The following GNG7 variants were observed in gnomAD, a reference collection of about 807,000 sequenced individuals.
GNG7 encodes the protein guanine nucleotide-binding protein G(I)/G(S)/G(O) subunit gamma-7.
Under a neutral mutation model 4.0 loss-of-function variants are expected in GNG7, and 1 was observed. The observed-to-expected ratio is 0.25, with a 90% CI of 0.09 to 1.18. The LOEUF (loss-of-function observed/expected upper bound fraction) is 1.18. Among genes scored for constraint, GNG7 ranks in the 50% most tolerant of loss-of-function variants. The pLI is 0.50. For synonymous variants in GNG7, 34 were observed against 36.9 expected (o/e 0.92, Z 0.29); for missense variants, 86 against 91.9 (o/e 0.94, Z 0.26).
chr19:2,702,029 C>T (rs1014442273), intron 1 of GNG7, among the ~76,000 whole-genome samples: 4 of 150,022 alleles, frequency 2.7e-5, no homozygotes, highest in African/African-American at 7.4e-5. Flanking sequence ...CCACCAGCCC[C>T]TTCCTAGCTA....
At chr19:2,643,965 CATAA>C (rs1982589608) in intron 2 of GNG7, 4 of 223,506 alleles carry the variant, frequency 1.8e-5, no homozygotes, top group South Asian at 6.1e-5. Context: ...TGTTTGGCTT[CATAA>C]ATAAATATTA....
Position 2,514,978 on chromosome 19 carries a change from G to T in GNG7, c.*44C>A. On this transcript the variant is annotated 3_prime_UTR_variant, in exon 5 of 5. Transcript: ENST00000382159. ...AGACAGAGACAGAGACAGAGAGAGA[G>T]AGAGAGAAAGAGAGAGAGAGAGAGA... 6.7e-7 allele frequency: 1 copy of T among 1,487,254 alleles called. No individual in the cohort carries two copies. Among genetic ancestry groups the T allele is most frequent in the Non-Finnish European group, 9.4e-7 (1 of 1,066,284 alleles). 92.1% of individuals were successfully genotyped at this position (1,487,254 alleles called of 1,614,324 possible).
intron 3 of GNG7, among the ~76,000 whole-genome samples, chr19:2,521,678 A>C (rs1978309811): frequency 8.2e-6 from 1 of 121,778 alleles, no homozygotes; most frequent in Non-Finnish European, 1.6e-5. Context: ...CAGTGGTGTG[A>C]TCTCGGCTCA....
In GNG7 at chr19:2,512,019, G is replaced by A. The variant is rs751663758; in HGVS notation, c.*3003C>T. 1.5e-4 allele frequency: 143 copies of A among 985,754 alleles called. No individual in the cohort carries two copies. The highest frequency in any genetic ancestry group is 5.2e-4 in the Middle Eastern group (1 of 1,936). The allele number at this position is 985,754 out of a possible 1,614,324, so 61.1% of individuals were successfully genotyped here. ...TCTCGCTCAGCAGCGGGGAAGGCCC[G>A]TGGGAGACCCAGGCTACAGAAGGAG... On this transcript the variant is annotated 3_prime_UTR_variant, in exon 5 of 5. Transcript: ENST00000382159. This position sits in a 1 kb window ranked among gnomAD's most constrained non-coding sequence, Gnocchi z 4.7.
intron 2 of GNG7, among the ~76,000 whole-genome samples, chr19:2,613,840 G>C (rs564366843): frequency 6.6e-6 from 1 of 152,296 alleles, no homozygotes; most frequent in African/African-American, 2.4e-5. Flanking sequence ...GAGAGATCCT[G>C]ATTTAATTAA....
intron 2 of GNG7, among the ~76,000 whole-genome samples, chr19:2,589,410 G>C (rs906439269): frequency 7.5e-6 from 1 of 134,112 alleles, no homozygotes; most frequent in East Asian, 2.3e-4. Context: ...AGCAGAGATG[G>C]TGTTTTGCCA....
chr19:2,662,559 T>A (rs1158368758), intron 1 of GNG7, among the ~76,000 whole-genome samples: 1 of 152,072 alleles, frequency 6.6e-6, no homozygotes, highest in Non-Finnish European at 1.5e-5. Context: ...GGGAAACACA[T>A]TTACTGGTTT....
intron 3 of GNG7, among the ~76,000 whole-genome samples, chr19:2,552,856 C>CA (rs1979376944): frequency 7.5e-6 from 1 of 134,222 alleles, no homozygotes; most frequent in African/African-American, 2.7e-5. Context: ...GCTCCACCCC[C>CA]CCCACCTCCC....
chr19:2,615,465 T>G (rs1339573429), intron 2 of GNG7, among the ~76,000 whole-genome samples: 100 of 136,680 alleles, frequency 7.3e-4, no homozygotes, highest in African/African-American at 2.7e-3. Flanking sequence ...TTTTTTTTTT[T>G]TTTTTTTTTT....
At chr19:2,606,695 A>T (rs11882926) in intron 2 of GNG7, among the ~76,000 whole-genome samples, 85,897 of 149,382 alleles carry the variant, frequency 0.58, 25,111 homozygotes, top group East Asian at 0.72. Flanking sequence ...TAATTAATTT[A>T]AAAAAAAAGT....
At chr19:2,568,319 A>ACG (rs1980004002) in intron 2 of GNG7, among the ~76,000 whole-genome samples, 1 of 151,528 alleles carries the variant, frequency 6.6e-6, no homozygotes, top group African/African-American at 2.4e-5. Flanking sequence ...ACACACGCAC[A>ACG]CACACATATA....
rs374206775 is a variant in GNG7 at position 2,681,328 on chromosome 19, C to T, written c.-135+21318G>A. ...CCTCCCGAGTAGCTGGGACTACAGG[C>T]GCCCGCCACCACGCCCGGCTAATTT... is the stretch of plus-strand genomic sequence containing the variant. On this transcript the variant is annotated intron_variant, in intron 1 of 4. Transcript: ENST00000382159. 6.6e-5 allele frequency among the ~76,000 whole-genome samples: 10 copies of T among 152,130 alleles called. 1 individual carries two copies. In the East Asian group the frequency reaches 1.4e-3, roughly 21 times the overall value.
intron 2 of GNG7, among the ~76,000 whole-genome samples, chr19:2,599,662 C>T (rs956963516): frequency 6.6e-6 from 1 of 152,162 alleles, no homozygotes; most frequent in African/African-American, 2.4e-5. Flanking sequence ...TTAGGCCGGG[C>T]GCGGTGGCTC....
chr19:2,626,805 G>A lies in GNG7; in HGVS notation c.-78+19419C>T, dbSNP rs919933692. On this transcript the variant is annotated intron_variant, in intron 2 of 4. Coordinates refer to ENST00000382159, the MANE Select transcript of GNG7 (RefSeq NM_052847.3). This position sits in a 1 kb window ranked among gnomAD's most constrained non-coding sequence, Gnocchi z 5.0. ...TCCCTGACTAATATTCCCTCACATC[G>A]GTCCATGCTCCTGGCATGGAGTGGG... Among the ~76,000 whole-genome samples, 2 of 152,118 alleles carry A rather than the reference G, an allele frequency of 1.3e-5. No homozygotes were observed. Among genetic ancestry groups the A allele is most frequent in the African/African-American group, 2.4e-5 (1 of 41,408 alleles).
intron 2 of GNG7, among the ~76,000 whole-genome samples, chr19:2,597,095 G>GA: frequency 6.6e-6 from 1 of 152,058 alleles, no homozygotes; most frequent in Admixed American, 6.6e-5. Context: ...CCAATCTCTA[G>GA]AAAGAATAAA....
Position 2,513,083 on chromosome 19 carries a change from C to T in GNG7, c.*1939G>A, listed in dbSNP as rs1287528916. The T allele has an allele frequency of 7.3e-5, 72 of 985,498 alleles. No homozygotes were observed. Among genetic ancestry groups the T allele is most frequent in the Non-Finnish European group, 8.7e-5 (72 of 830,076 alleles). 61.0% of individuals were successfully genotyped at this position (985,498 alleles called of 1,614,324 possible). A position where few individuals can be genotyped will look rare whatever the true frequency, so the allele number is the denominator to read the frequency against. ...CGGGGGTGGGGAGCCCGGCTGTGGC[C>T]TGTGGGAGCTGCCCGAGGTTGAGGA... On this transcript the variant is annotated 3_prime_UTR_variant, in exon 5 of 5. Transcript: ENST00000382159.
At chr19:2,658,693 TTAGGAG>T (rs1983059755) in intron 1 of GNG7, among the ~76,000 whole-genome samples, 1 of 152,220 alleles carries the variant, frequency 6.6e-6, no homozygotes, top group Admixed American at 6.5e-5. Context: ...AACTCCACGC[TTAGGAG>T]GTCCCTAGAG....
intron 1 of GNG7, among the ~76,000 whole-genome samples, chr19:2,655,838 G>GAAAAAAAAAAAAAAAA (rs56041767): frequency 2.7e-4 from 15 of 54,738 alleles, no homozygotes; most frequent in Middle Eastern, 0.014. Flanking sequence ...GGCTCCGTCT[G>GAAAAAAAAAAAAAAAA]AAAAAAAAAA....
rs1354644732 is a variant in GNG7 at position 2,514,876 on chromosome 19, G to A, written c.*146C>T. The A allele has an allele frequency of 7.5e-6, 5 of 665,068 alleles. No homozygotes were observed. 41.2% of individuals were successfully genotyped at this position (665,068 alleles called of 1,614,324 possible). A position where few individuals can be genotyped will look rare whatever the true frequency, so the allele number is the denominator to read the frequency against. ...ACGCCTTTTTTGGCGGGGAGAGGGG[G>A]GATTTCTTTTGGAATTAAAGGTTTT... is the stretch of plus-strand genomic sequence containing the variant. On this transcript the variant is annotated 3_prime_UTR_variant, in exon 5 of 5. Coordinates refer to ENST00000382159, the MANE Select transcript of GNG7 (RefSeq NM_052847.3).
Sources: gnomAD v4.1 joint callset for allele counts (sites outside exome capture counted in the v4.1 genomes callset) on GRCh38, gnomAD v4.1.1 for gene constraint, Gnocchi (gnomAD v3.1) non-coding constraint, MANE v1.5 for transcripts, NCBI Gene and HGNC (gene_info 2026-07-23, HGNC 2026-07-21) for gene names.